The following BCAR1 variants were observed in gnomAD, a reference collection of about 807,000 sequenced individuals.
The protein encoded by BCAR1 is BCAR1 scaffold protein, Cas family member.
In BCAR1, 30 loss-of-function variants were observed where a neutral mutation model predicts 67.6. That is an observed-to-expected ratio of 0.44 (90% CI 0.33 to 0.60). The LOEUF is 0.60. Ranked by LOEUF, BCAR1 falls within the 20% of genes least tolerant of loss-of-function variation. BCAR1 has a pLI of 0.02. For synonymous variants in BCAR1, 626 were observed against 556.7 expected (o/e 1.12, Z -1.75); for missense variants, 1,313 against 1,222.3 (o/e 1.07, Z -1.11).
At chr16:75,266,730 C>T in intron 1 of BCAR1, 1 of 1,439,740 alleles carries the variant, frequency 6.9e-7, no homozygotes, top group Non-Finnish European at 9.2e-7. Context: ...AAAGGAAGGA[C>T]CAGGGGTCCG....
intron 1 of BCAR1, chr16:75,248,505 T>C: frequency 3.5e-6 from 1 of 289,782 alleles, no homozygotes; most frequent in Non-Finnish European, 5.7e-6. Flanking sequence ...CACTTGGTCC[T>C]GGCCTCAGGC....
chr16:75,262,174 G>C (rs1393231360), intron 1 of BCAR1, among the ~76,000 whole-genome samples: 1 of 152,200 alleles, frequency 6.6e-6, no homozygotes, highest in African/African-American at 2.4e-5. Context: ...CCTCAAGCAA[G>C]GCTCTGAGGA....
Position 75,229,992 on chromosome 16 carries a change from A to G in BCAR1, c.2132T>C (p.Val711Ala), listed in dbSNP as rs760937196. The change falls in exon 7 of 7, where the codon GTG (valine) becomes GCG (alanine). Residue 711 changes from valine (V) to alanine (A), a missense_variant. This residue lies in a region of BCAR1 where 1,272 missense variants were observed against 1,137.5 expected (regional missense o/e 1.12). Coordinates refer to ENST00000162330, the MANE Select transcript of BCAR1 (RefSeq NM_014567.5). The part of the protein sequence containing the change: ...LKQFERLEQE[V>A]SRPIDHDLAN... ...CAGGTCGTGGTCTATGGGCCGTGAC[A>G]CCTCCTGTTCCAGTCGTTCAAACTG... 9 of 1,563,590 alleles carry G rather than the reference A, an allele frequency of 5.8e-6. No homozygotes were observed.
intron 1 of BCAR1, chr16:75,248,949 G>A (rs2077599614): frequency 6.6e-6 from 1 of 152,568 alleles, no homozygotes; most frequent in East Asian, 1.9e-4. Context: ...TTTATGCCCA[G>A]GGCCAGCTAT....
chr16:75,230,869 T>C (rs1467180551), intron 6 of BCAR1, among the ~76,000 whole-genome samples: 2 of 152,190 alleles, frequency 1.3e-5, no homozygotes, highest in Non-Finnish European at 2.9e-5. Flanking sequence ...GTGAGATACA[T>C]ACTCCGCTTT....
At chr16:75,242,321 A>G (rs1163508370) in intron 2 of BCAR1, 149 bp downstream of exon 2, 4 of 1,250,148 alleles carry the variant, frequency 3.2e-6, no homozygotes, top group Non-Finnish European at 4.0e-6. Flanking sequence ...AACACCCCCC[A>G]AACACTCACT....
At chr16:75,236,295 G>T (rs1012788370) in intron 4 of BCAR1, 6 of 468,736 alleles carry the variant, frequency 1.3e-5, no homozygotes, top group Non-Finnish European at 2.3e-5. Context: ...TCCTCCCAAA[G>T]AATTGCATGT....
rs1020353694 is a variant in BCAR1 at position 75,264,482 on chromosome 16, G to GGAA, written c.66+3430_66+3432dup. On this transcript the variant is annotated intron_variant, in intron 1 of 6. Transcript: ENST00000393422. Reference sequence around the variant, plus strand: ...TTCCAGGAGAGCAGAACAGAAGAGAGGAAGGGCTTGGCAGGCATGTTCTGT... The same window carrying GGAA: ...TTCCAGGAGAGCAGAACAGAAGAGAGGAAGAAGGGCTTGGCAGGCATGTTCTGT... The GGAA allele has an allele frequency of 3.4e-6, 5 of 1,462,824 alleles. No individual in the cohort carries two copies. The East Asian group carries it at 1.3e-4, about 37-fold the overall frequency. The allele number at this position is 1,462,824 out of a possible 1,614,324, so 90.6% of individuals were successfully genotyped here. A position where few individuals can be genotyped will look rare whatever the true frequency, so the allele number is the denominator to read the frequency against.
intron 2 of BCAR1, chr16:75,238,461 C>G: frequency 2.0e-6 from 2 of 1,020,010 alleles, no homozygotes; most frequent in Non-Finnish European, 2.3e-6. Flanking sequence ...GGGCCCAGTG[C>G]CCCTGAACCC....
chr16:75,233,359 C>T (rs2076968414), intron 6 of BCAR1, among the ~76,000 whole-genome samples: 2 of 150,268 alleles, frequency 1.3e-5, no homozygotes, highest in African/African-American at 4.9e-5. Flanking sequence ...TGTGACAGAA[C>T]AAGATTCTGT....
intron 4 of BCAR1, chr16:75,236,278 G>T (rs1012454835): frequency 6.2e-6 from 3 of 486,258 alleles, no homozygotes; most frequent in African/African-American, 4.0e-5. Flanking sequence ...CTGAAGGTGG[G>T]AGAGCTTCCT....
chr16:75,233,522 T>C (rs542650782), intron 6 of BCAR1, among the ~76,000 whole-genome samples: 54 of 152,356 alleles, frequency 3.5e-4, no homozygotes, highest in Non-Finnish European at 5.6e-4. Context: ...ATCCCGGCCA[T>C]GCAGGGAGCA....
chr16:75,229,421 T>C lies in BCAR1; in HGVS notation c.*90A>G, dbSNP rs1294378635. Reference sequence around the variant, plus strand: ...CGACGCAGAGCTGGGGTCCTGTCCCTAAGCCTGTGGCACAGCGACTCTTGA... The same window carrying C: ...CGACGCAGAGCTGGGGTCCTGTCCCCAAGCCTGTGGCACAGCGACTCTTGA... On this transcript the variant is annotated 3_prime_UTR_variant, in exon 7 of 7. Transcript: ENST00000162330. The C allele has an allele frequency of 7.0e-7, 1 of 1,438,524 alleles. No individual in the cohort carries two copies. Among genetic ancestry groups the C allele is most frequent in the Non-Finnish European group, 9.1e-7 (1 of 1,096,602 alleles). 89.1% of individuals were successfully genotyped at this position (1,438,524 alleles called of 1,614,324 possible).
At chr16:75,237,941 G>A (rs976218981) in intron 2 of BCAR1, 3 of 942,258 alleles carry the variant, frequency 3.2e-6, no homozygotes, top group Admixed American at 2.5e-5. Flanking sequence ...GTGCTGGGGG[G>A]CGCAGCAGCT....
chr16:75,248,146 T>C, intron 1 of BCAR1: 2 of 1,591,926 alleles, frequency 1.3e-6, no homozygotes, highest in Non-Finnish European at 8.5e-7. Context: ...GACCCCAGGC[T>C]GAGACACGGT....
intron 1 of BCAR1, chr16:75,263,384 A>G: frequency 1.0e-6 from 1 of 985,420 alleles, no homozygotes; most frequent in Non-Finnish European, 1.2e-6. Context: ...TCAGGCCCAG[A>G]GCGCTGGGCG....
chr16:75,248,688 C>T (rs1027422789), intron 1 of BCAR1: 4 of 159,398 alleles, frequency 2.5e-5, no homozygotes, highest in East Asian at 1.8e-4. Context: ...GAGCAGACTA[C>T]ATAGCCTGTG....
At chr16:75,267,137 C>T (rs1411727465) in intron 1 of BCAR1, among the ~76,000 whole-genome samples, 1 of 152,150 alleles carries the variant, frequency 6.6e-6, no homozygotes, top group Non-Finnish European at 1.5e-5. Flanking sequence ...ATCTTTTCTC[C>T]AGGAGTGTCC....
At chr16:75,251,389 G>T in intron 1 of BCAR1, 82 bp downstream of exon 1, 1 of 1,463,142 alleles carries the variant, frequency 6.8e-7, no homozygotes, top group Non-Finnish European at 9.0e-7. Flanking sequence ...AGGTCCGGCA[G>T]GAAATGCCGC....
Sources: gnomAD v4.1 joint callset for allele counts (sites outside exome capture counted in the v4.1 genomes callset) on GRCh38, gnomAD v4.1.1 for gene constraint, gnomAD v4.1.1 regional missense constraint, MANE v1.5 for transcripts, NCBI Gene and HGNC (gene_info 2026-07-23, HGNC 2026-07-21) for gene names.